The following CD99L2 variants were observed in gnomAD, a reference collection of about 807,000 sequenced individuals.
CD99L2 encodes CD99 antigen-like protein 2.
CD99L2 carries 24 observed loss-of-function variants against 27.3 expected under a neutral mutation model. That is an observed-to-expected ratio of 0.88 (90% confidence interval 0.64 to 1.24). The LOEUF is 1.24. Among genes scored for constraint, CD99L2 ranks in the 50% most tolerant of loss-of-function variants. The pLI, the probability that CD99L2 is intolerant of heterozygous loss-of-function variation, is 0.00. For synonymous variants in CD99L2, 97 were observed against 87.9 expected (o/e 1.10, Z -0.58); for missense variants, 255 against 221.6 (o/e 1.15, Z -0.96).
At chrX:150,786,616 C>T (rs1256155642) in intron 7 of CD99L2, among the ~76,000 whole-genome samples, 1 of 111,728 alleles carries the variant, frequency 9.0e-6, no homozygotes, top group Non-Finnish European at 1.9e-5. Flanking sequence ...TCATCTAGTC[C>T]TCTGTTGATG....
At chrX:150,786,228 A>T (rs181411720) in intron 7 of CD99L2, among the ~76,000 whole-genome samples, 1,448 of 109,354 alleles carry the variant, frequency 0.013, 12 homozygotes, top group African/African-American at 0.021. Context: ...TTTTTTTTTT[A>T]AAAAATTTTA....
Position 150,795,423 on chromosome X carries a change from G to A in CD99L2, c.341C>T (p.Thr114Ile). The part of the protein sequence containing the change: ...RPVTTRAPAN[T>I]LGNDFDLADA... Reference sequence around the variant, plus strand: ...CCTCAGAGCGGCCACCTTACCTAAAGTATTTGCTGGAGCTCTGGTGGTTAC... The same window carrying A: ...CCTCAGAGCGGCCACCTTACCTAAAATATTTGCTGGAGCTCTGGTGGTTAC... Residue 114 changes from threonine (T) to isoleucine (I), a missense_variant, in exon 5 of 11, where the codon ACT becomes ATT. Transcript: ENST00000370377. 8.3e-7 allele frequency: 1 copy of A among 1,211,549 alleles called. No individual in the cohort carries two copies. The highest frequency in any genetic ancestry group is 1.1e-6 in the Non-Finnish European group (1 of 895,391).
In CD99L2 at chrX:150,860,682, C is replaced by T. The variant is rs1224298774; in HGVS notation, c.68-29389G>A. 6.3e-5 allele frequency among the ~76,000 whole-genome samples: 7 copies of T among 110,677 alleles called. No individual in the cohort carries two copies. The Admixed American group carries it at 6.7e-4, about 11-fold the overall frequency. ...TTCTATACACAAATAATGAAACAAC[C>T]AAAAAAGAAATCAAGAAGGTAATTC... On this transcript the variant is annotated intron_variant, in intron 1 of 10. Transcript: ENST00000370377.
intron 1 of CD99L2, among the ~76,000 whole-genome samples, chrX:150,855,220 G>C (rs1197197824): frequency 8.9e-6 from 1 of 112,289 alleles, no homozygotes. Flanking sequence ...CACTACAGAT[G>C]TAATGAGTTA....
At chrX:150,810,927 C>T (rs781928053) in intron 4 of CD99L2, among the ~76,000 whole-genome samples, 1 of 111,899 alleles carries the variant, frequency 8.9e-6, no homozygotes, top group Non-Finnish European at 1.9e-5. Context: ...TCTGGCCAGG[C>T]GTGGTGGCTC....
intron 2 of CD99L2, among the ~76,000 whole-genome samples, chrX:150,822,228 G>A (rs2046252832): frequency 8.9e-6 from 1 of 112,016 alleles, no homozygotes; most frequent in Non-Finnish European, 1.9e-5. Context: ...CAACATGGAA[G>A]TGCCTCCAAA....
intron 3 of CD99L2, 126 bp from the exon 4 acceptor site, chrX:150,815,062 A>G (rs1280408193): frequency 3.5e-5 from 21 of 598,525 alleles, no homozygotes; most frequent in Non-Finnish European, 4.5e-5. Flanking sequence ...AGACAAAGAG[A>G]CTTATATTGG....
At chrX:150,774,526 C>A (rs782503246) in intron 9 of CD99L2, among the ~76,000 whole-genome samples, 12 of 111,968 alleles carry the variant, frequency 1.1e-4, no homozygotes, top group Non-Finnish European at 2.1e-4. Flanking sequence ...AATCCACCTG[C>A]CGGAGGGAGA....
chrX:150,785,937 G>A (rs180862819), intron 7 of CD99L2, among the ~76,000 whole-genome samples: 1 of 111,852 alleles, frequency 8.9e-6, no homozygotes, highest in East Asian at 2.8e-4. Context: ...ATCAAGCAAT[G>A]AGCATTCTTT....
intron 2 of CD99L2, among the ~76,000 whole-genome samples, chrX:150,822,246 G>A (rs943675471): frequency 2.7e-5 from 3 of 112,074 alleles, no homozygotes; most frequent in Middle Eastern, 4.6e-3. Context: ...AAAACATTAT[G>A]CTACACAAAA....
At chrX:150,788,910 T>C (rs782133015) in intron 7 of CD99L2, among the ~76,000 whole-genome samples, 2 of 112,091 alleles carry the variant, frequency 1.8e-5, no homozygotes, top group Admixed American at 1.9e-4. Context: ...TGCATCCTCA[T>C]CAGCAATTGA....
chrX:150,794,859 C>T (rs1016288721), intron 6 of CD99L2, among the ~76,000 whole-genome samples: 4 of 112,483 alleles, frequency 3.6e-5, no homozygotes, highest in Non-Finnish European at 5.6e-5. Context: ...AACAGCGTGC[C>T]GCTCTCCTCA....
intron 2 of CD99L2, among the ~76,000 whole-genome samples, chrX:150,819,572 A>G (rs1451540498): frequency 8.9e-6 from 1 of 112,085 alleles, no homozygotes; most frequent in Non-Finnish European, 1.9e-5. Context: ...AGAACAAAAG[A>G]GGAAAGATCT....
chrX:150,824,143 A>G lies in CD99L2; in HGVS notation c.130+7088T>C, dbSNP rs782293865. ...AAGGAAGGAGGAGGAGGAGGAGGAGAAGAAGGAAGGAGGAGGAGGAGGAGG... is the reference window on the plus strand; with the variant it reads ...AAGGAAGGAGGAGGAGGAGGAGGAGGAGAAGGAAGGAGGAGGAGGAGGAGG... On this transcript the variant is annotated intron_variant, in intron 2 of 10. Transcript: ENST00000370377. Among the ~76,000 whole-genome samples the G allele has an allele frequency of 2.0e-3, 123 of 61,788 alleles. 10 individuals carry two copies. The highest frequency in any genetic ancestry group is 3.5e-3 in the African/African-American group (51 of 14,768). 53.7% of individuals were successfully genotyped at this position (61,788 alleles called of 115,157 possible). A position where few individuals can be genotyped will look rare whatever the true frequency, so the allele number is the denominator to read the frequency against.
Position 150,823,250 on chromosome X carries a change from T to C in CD99L2, c.131-7172A>G, listed in dbSNP as rs1463162362. ...TTTCTGCTGCTTATAACAGAATACC[T>C]GAAACTGGGTTGGTTGGTTGGTTAT... On this transcript the variant is annotated intron_variant, in intron 2 of 10. Coordinates refer to ENST00000370377, the MANE Select transcript of CD99L2 (RefSeq NM_031462.4). Among the ~76,000 whole-genome samples, 118 of 112,099 alleles carry C rather than the reference T, an allele frequency of 1.1e-3. 9 individuals are homozygous for C. Among genetic ancestry groups the C allele is most frequent in the Non-Finnish European group, 7.5e-5 (4 of 53,233 alleles).
chrX:150,849,338 G>C (rs1280759161), intron 1 of CD99L2, among the ~76,000 whole-genome samples: 6 of 111,222 alleles, frequency 5.4e-5, no homozygotes, highest in Admixed American at 1.9e-4. Context: ...GATTGCTTGA[G>C]CCCAGGAGTT....
intron 4 of CD99L2, among the ~76,000 whole-genome samples, chrX:150,797,312 G>A (rs2045812502): frequency 2.7e-5 from 3 of 112,338 alleles, no homozygotes; most frequent in Non-Finnish European, 5.6e-5. Flanking sequence ...GGACTGAAAT[G>A]GGACACTGTA....
Position 150,776,281 on chromosome X carries a change from T to C in CD99L2, c.548A>G (p.Glu183Gly), listed in dbSNP as rs782731984. ...GGCCACCCCGGCAATGGTGCCAGGC[T>C]CTGCCACCATGCCTGCGTGAAGAAG... is the stretch of plus-strand genomic sequence containing the variant. ...NDDPGSGMVA[E>G]PGTIAGVASA... The change falls in exon 9 of 11, where the codon GAG (glutamate) becomes GGG (glycine). Residue 183 changes from glutamate to glycine, a missense_variant. Physicochemically the swap from Glu to Gly is moderately conservative, Grantham distance 98. Transcript: ENST00000370377. The C allele has an allele frequency of 7.5e-6, 9 of 1,205,726 alleles. No individual in the cohort carries two copies. In the Admixed American group the frequency reaches 1.8e-4, roughly 24 times the overall value.
In CD99L2 at chrX:150,896,466, G is replaced by C. The variant is rs1336700160; in HGVS notation, c.67+2056C>G. The stretch of plus-strand genomic sequence containing the variant: ...GATAACTGGGTAGCAGTCTTATCTG[G>C]GTTGAATCCTGGCTCTATGTCTTCT... On this transcript the variant is annotated intron_variant, in intron 1 of 10. Coordinates refer to ENST00000370377, the MANE Select transcript of CD99L2 (RefSeq NM_031462.4). 2.7e-5 allele frequency among the ~76,000 whole-genome samples: 3 copies of C among 112,212 alleles called. No individual in the cohort carries two copies. The Admixed American group carries it at 2.8e-4, about 11-fold the overall frequency.
Sources: allele counts gnomAD v4.1 joint callset (sites outside exome capture counted in the v4.1 genomes callset), GRCh38; gene constraint gnomAD v4.1.1; transcripts MANE v1.5; gene names NCBI Gene and HGNC (gene_info 2026-07-23, HGNC 2026-07-21).